The following IQCM variants were observed in gnomAD, a reference collection of about 807,000 sequenced individuals.
IQCM encodes IQ motif containing M, also known as IQ domain-containing protein M.
Under a neutral mutation model 57.6 loss-of-function variants are expected in IQCM, and 45 were observed. The observed-to-expected ratio is 0.78, with a 90% CI of 0.62 to 1.00. The LOEUF (loss-of-function observed/expected upper bound fraction) is 1.00, where lower values mean the gene tolerates loss of function less well. Ranked by LOEUF, IQCM falls within the 50% of genes least tolerant of loss-of-function variation. The pLI, the probability that IQCM is intolerant of heterozygous loss-of-function variation, is 0.00. For missense variants in IQCM, 468 were observed against 511.6 expected (o/e 0.91, Z 0.82); for synonymous variants, 148 against 158.9 (o/e 0.93, Z 0.51).
Position 149,460,853 on chromosome 4 carries a change from T to G in IQCM, c.1229-27296A>C, listed in dbSNP as rs570538517. On this transcript the variant is annotated intron_variant, in intron 12 of 13. Coordinates refer to ENST00000636793, the MANE Select transcript of IQCM (RefSeq NM_001363507.2). ...AAAGGAGTCTGCTTTTCAAACAAAA[T>G]GAGGTACTGATTTTCAAAGATCCCA... is the stretch of plus-strand genomic sequence containing the variant. 7.9e-5 allele frequency among the ~76,000 whole-genome samples: 12 copies of G among 152,190 alleles called. No individual in the cohort carries two copies. The East Asian group carries it at 2.3e-3, about 30-fold the overall frequency.
chr4:149,685,463 G>T (rs1224279484), intron 6 of IQCM, among the ~76,000 whole-genome samples: 1 of 151,350 alleles, frequency 6.6e-6, no homozygotes, highest in African/African-American at 2.4e-5. Flanking sequence ...TATTAAGGCT[G>T]TGTATATATT....
chr4:149,714,745 C>A (rs1004141985), intron 5 of IQCM, among the ~76,000 whole-genome samples: 6 of 152,008 alleles, frequency 3.9e-5, no homozygotes, highest in African/African-American at 1.5e-4. Context: ...ATTTTGGGAC[C>A]ATTATTAAAT....
At chr4:149,638,568 AAAG>A (rs1014177973) in intron 7 of IQCM, among the ~76,000 whole-genome samples, 59 of 152,308 alleles carry the variant, frequency 3.9e-4, no homozygotes, top group Middle Eastern at 3.4e-3. Context: ...TCGTTAATAA[AAAG>A]AATGAATTAC....
intron 12 of IQCM, among the ~76,000 whole-genome samples, chr4:149,488,583 T>C (rs1295229819): frequency 6.6e-6 from 1 of 152,144 alleles, no homozygotes; most frequent in Non-Finnish European, 1.5e-5. Context: ...GTTTTTGAGG[T>C]TGTATACATC....
intron 12 of IQCM, among the ~76,000 whole-genome samples, chr4:149,481,701 G>GGTTTT (rs1740815125): frequency 1.9e-5 from 1 of 51,548 alleles, no homozygotes; most frequent in African/African-American, 7.6e-5. Context: ...TTCCAGTTTT[G>GGTTTT]TTTTTTTTTT....
intron 7 of IQCM, among the ~76,000 whole-genome samples, chr4:149,632,551 T>TA (rs1246292881): frequency 1.3e-5 from 2 of 152,172 alleles, no homozygotes; most frequent in African/African-American, 4.8e-5. Context: ...ACATTATCTT[T>TA]ACTGAAAGTT....
At chr4:149,805,137 T>G (rs1375271283) in intron 2 of IQCM, among the ~76,000 whole-genome samples, 3 of 152,148 alleles carry the variant, frequency 2.0e-5, no homozygotes, top group South Asian at 2.1e-4. Flanking sequence ...TAGGCTAGAG[T>G]TGCATGAATA....
chr4:149,712,782 A>G (rs1409882211), intron 5 of IQCM, among the ~76,000 whole-genome samples: 2 of 152,206 alleles, frequency 1.3e-5, no homozygotes, highest in African/African-American at 2.4e-5. Flanking sequence ...AAGATTGTTC[A>G]TGTCTCAGGA....
At chr4:149,651,649 A>C (rs533775743) in intron 7 of IQCM, among the ~76,000 whole-genome samples, 1 of 152,318 alleles carries the variant, frequency 6.6e-6, no homozygotes, top group African/African-American at 2.4e-5. Flanking sequence ...AAAAGGTATA[A>C]AAAGATATGA....
intron 7 of IQCM, among the ~76,000 whole-genome samples, chr4:149,678,038 T>C (rs1030104466): frequency 6.6e-6 from 1 of 151,516 alleles, no homozygotes; most frequent in Non-Finnish European, 1.5e-5. Flanking sequence ...ATATAGAAAA[T>C]TACCTCAAAA....
chr4:149,360,053 T>A (rs1430421771), intron 13 of IQCM, among the ~76,000 whole-genome samples: 2 of 149,120 alleles, frequency 1.3e-5, no homozygotes, highest in East Asian at 2.0e-4. Flanking sequence ...GTCATCTAGT[T>A]AAAAAAAAAA....
chr4:149,733,094 A>T, intron 5 of IQCM, 150 bp downstream of exon 5: 1 of 645,934 alleles, frequency 1.5e-6, no homozygotes, highest in South Asian at 8.3e-5. Flanking sequence ...AGAGATTAGC[A>T]GCTCTAATAA....
chr4:149,529,026 A>G (rs1335828728), intron 12 of IQCM, among the ~76,000 whole-genome samples: 1 of 152,170 alleles, frequency 6.6e-6, no homozygotes, highest in African/African-American at 2.4e-5. Context: ...ATATTTAATG[A>G]GCAAAGTTTA....
chr4:149,379,471 T>C (rs1057103091), intron 13 of IQCM, among the ~76,000 whole-genome samples: 1 of 152,296 alleles, frequency 6.6e-6, no homozygotes, highest in Non-Finnish European at 1.5e-5. Flanking sequence ...ATGACCCAGA[T>C]GTGAGACATA....
intron 12 of IQCM, among the ~76,000 whole-genome samples, chr4:149,511,035 C>T (rs1744353785): frequency 6.6e-6 from 1 of 152,158 alleles, no homozygotes; most frequent in Non-Finnish European, 1.5e-5. Context: ...TTCCTCATAG[C>T]TTATGGAATA....
intron 3 of IQCM, among the ~76,000 whole-genome samples, chr4:149,736,485 T>A (rs1766956460): frequency 6.6e-6 from 1 of 152,198 alleles, no homozygotes; most frequent in Non-Finnish European, 1.5e-5. Flanking sequence ...AAAATTTAAA[T>A]ATATTACCTA....
chr4:149,654,874 A>G (rs900922228), intron 7 of IQCM, among the ~76,000 whole-genome samples: 3 of 152,208 alleles, frequency 2.0e-5, no homozygotes, highest in Non-Finnish European at 4.4e-5. Context: ...AAAAGTATGC[A>G]AAACATATAA....
chr4:149,489,250 G>C (rs544704079), intron 12 of IQCM, among the ~76,000 whole-genome samples: 3 of 152,028 alleles, frequency 2.0e-5, no homozygotes, highest in Non-Finnish European at 4.4e-5. Flanking sequence ...TTAAAATTTC[G>C]AACTAAACAC....
intron 9 of IQCM, among the ~76,000 whole-genome samples, chr4:149,569,979 A>G (rs1446500605): frequency 6.6e-6 from 1 of 152,104 alleles, no homozygotes; most frequent in African/African-American, 2.4e-5. Flanking sequence ...ACAAACTGGA[A>G]TGAAATATCC....
Sources: gnomAD v4.1 joint callset for allele counts (sites outside exome capture counted in the v4.1 genomes callset) on GRCh38, gnomAD v4.1.1 for gene constraint, MANE v1.5 for transcripts, NCBI Gene and HGNC (gene_info 2026-07-23, HGNC 2026-07-21) for gene names.